THSD7B: variants seen among roughly 807,000 people sequenced by gnomAD.
THSD7B encodes the protein thrombospondin type-1 domain-containing protein 7B.
A neutral mutation model predicts 213.6 loss-of-function variants in THSD7B; 138 were observed. That is an observed-to-expected ratio of 0.65 (90% CI 0.56 to 0.74). THSD7B has a LOEUF of 0.74. THSD7B is among the 30% of genes least tolerant of loss of function. The pLI is 0.00. For synonymous variants in THSD7B, 742 were observed against 687.0 expected (o/e 1.08, Z -1.25); for missense variants, 1,931 against 1,991.5 (o/e 0.97, Z 0.58).
Position 137,540,047 on chromosome 2 carries a change from T to G in THSD7B, c.3139-23174T>G, listed in dbSNP as rs1003245198. 1.8e-4 allele frequency among the ~76,000 whole-genome samples: 28 copies of G among 151,732 alleles called. 1 individual carries two copies. The highest frequency in any genetic ancestry group is 9.9e-4 in the Admixed American group (15 of 15,192). On this transcript the variant is annotated intron_variant, in intron 15 of 27. Coordinates refer to ENST00000409968, the MANE Select transcript of THSD7B (RefSeq NM_001316349.2). ...ATCTTGATATACATATAATGTCTTATCTAAAAATGAAGTGTGAGATATAGA... is the reference window on the plus strand; with the variant it reads ...ATCTTGATATACATATAATGTCTTAGCTAAAAATGAAGTGTGAGATATAGA...
chr2:136,971,662 A>ACACACACACG (rs1685406595), intron 2 of THSD7B, among the ~76,000 whole-genome samples: 2 of 151,220 alleles, frequency 1.3e-5, no homozygotes, highest in Admixed American at 1.3e-4. Flanking sequence ...ACACACACAC[A>ACACACACACG]CACACACACG....
At chr2:137,369,158 T>C (rs1469076139) in intron 12 of THSD7B, among the ~76,000 whole-genome samples, 1 of 149,280 alleles carries the variant, frequency 6.7e-6, no homozygotes, top group East Asian at 2.0e-4. Context: ...ACCATATATA[T>C]ATATATATAT....
chr2:137,507,272 T>G (rs1679857722), intron 15 of THSD7B, among the ~76,000 whole-genome samples: 1 of 152,182 alleles, frequency 6.6e-6, no homozygotes, highest in Non-Finnish European at 1.5e-5. Context: ...TAATACAAAG[T>G]CAAAGAATTG....
chr2:137,662,232 TTTTTTTTTTC>T (rs1372622291), intron 25 of THSD7B, among the ~76,000 whole-genome samples: 6 of 118,378 alleles, frequency 5.1e-5, no homozygotes, highest in African/African-American at 6.5e-5. Flanking sequence ...CCGGCTAATT[TTTTTTTTTTC>T]TTTTTTTTTT....
chr2:137,099,554 GA>G (rs1414820983), intron 4 of THSD7B, among the ~76,000 whole-genome samples: 1 of 152,104 alleles, frequency 6.6e-6, no homozygotes, highest in African/African-American at 2.4e-5. Flanking sequence ...TTGAATATTG[GA>G]AAAACATCAG....
chr2:137,540,480 T>C (rs753435382), intron 15 of THSD7B, among the ~76,000 whole-genome samples: 1 of 151,576 alleles, frequency 6.6e-6, no homozygotes, highest in Non-Finnish European at 1.5e-5. Flanking sequence ...CCCACAATTG[T>C]GGTAAAACAA....
chr2:136,886,620 C>G (rs555860727), intron 2 of THSD7B, among the ~76,000 whole-genome samples: 26 of 152,144 alleles, frequency 1.7e-4, no homozygotes, highest in Non-Finnish European at 3.4e-4. Context: ...ACAGAGCAGT[C>G]TTCTACAATA....
At chr2:137,290,413 C>T (rs59076916) in intron 12 of THSD7B, among the ~76,000 whole-genome samples, 7,764 of 152,106 alleles carry the variant, frequency 0.051, 463 homozygotes, top group African/African-American at 0.14. Flanking sequence ...TCTGAGAGTC[C>T]GTAACTCTAC....
chr2:137,531,590 A>T (rs1367135037), intron 15 of THSD7B, among the ~76,000 whole-genome samples: 2 of 151,916 alleles, frequency 1.3e-5, no homozygotes, highest in Non-Finnish European at 2.9e-5. Flanking sequence ...TTAATTACCT[A>T]ATAATTGGGG....
intron 12 of THSD7B, among the ~76,000 whole-genome samples, chr2:137,401,453 T>G (rs1007495446): frequency 9.9e-5 from 15 of 152,166 alleles, no homozygotes; most frequent in Non-Finnish European, 2.1e-4. Flanking sequence ...AATGATTGCT[T>G]TTATACTAGA....
chr2:137,673,806 A>C (rs1338215660), intron 27 of THSD7B, among the ~76,000 whole-genome samples: 1 of 152,176 alleles, frequency 6.6e-6, no homozygotes, highest in Non-Finnish European at 1.5e-5. Context: ...AGGCTGATCT[A>C]TTCAAAGCCA....
intron 12 of THSD7B, among the ~76,000 whole-genome samples, chr2:137,332,210 G>T (rs1025832287): frequency 6.6e-6 from 1 of 152,108 alleles, no homozygotes. Flanking sequence ...GCAAAGCCAC[G>T]GGACAGAGCA....
chr2:137,060,087 T>C (rs78073820), intron 3 of THSD7B, among the ~76,000 whole-genome samples: 1 of 152,260 alleles, frequency 6.6e-6, no homozygotes, highest in African/African-American at 2.4e-5. Context: ...GGTATCTCAT[T>C]GTTTTAAATT....
chr2:136,932,851 C>T (rs894127111), intron 2 of THSD7B, among the ~76,000 whole-genome samples: 24 of 152,172 alleles, frequency 1.6e-4, no homozygotes, highest in African/African-American at 5.5e-4. Flanking sequence ...GGGGAGAAAT[C>T]AGGTGGTAAG....
Position 137,027,158 on chromosome 2 carries a change from CA to C in THSD7B, c.140-29258del, listed in dbSNP as rs1197041768. ...ATTTTGGTTACATTAATGGTGGCACCAAAATCAAGCCCACACTTCTATATTT... is the reference window on the plus strand; with the variant it reads ...ATTTTGGTTACATTAATGGTGGCACCAAATCAAGCCCACACTTCTATATTT... On this transcript the variant is annotated intron_variant, in intron 2 of 27. Transcript: ENST00000409968. 1.5e-4 allele frequency among the ~76,000 whole-genome samples: 23 copies of C among 152,084 alleles called. 1 individual carries two copies. Among genetic ancestry groups the C allele is most frequent in the Admixed American group, 1.4e-3 (21 of 15,270 alleles).
At chr2:136,875,514 A>C (rs1238887708) in intron 1 of THSD7B, among the ~76,000 whole-genome samples, 1 of 152,158 alleles carries the variant, frequency 6.6e-6, no homozygotes, top group Non-Finnish European at 1.5e-5. Flanking sequence ...AAAGTCCAAA[A>C]TTGAGATTCT....
At chr2:137,217,084 A>G (rs1341238023) in intron 7 of THSD7B, among the ~76,000 whole-genome samples, 1 of 151,940 alleles carries the variant, frequency 6.6e-6, no homozygotes, top group Non-Finnish European at 1.5e-5. Flanking sequence ...GTTTCTCAAC[A>G]CTCCCCCTGG....
intron 14 of THSD7B, among the ~76,000 whole-genome samples, chr2:137,412,621 C>A (rs13006035): frequency 0.6 from 61,420 of 101,734 alleles, 21,407 homozygotes; most frequent in East Asian, 0.82. Flanking sequence ...CAAAAAAAAA[C>A]AAAAAACAGT....
At chr2:137,215,799 A>G (rs1398848266) in intron 7 of THSD7B, among the ~76,000 whole-genome samples, 1 of 152,186 alleles carries the variant, frequency 6.6e-6, no homozygotes, top group Non-Finnish European at 1.5e-5. Context: ...CAAATTTTGA[A>G]TATTTCTTCT....
Sources: gnomAD v4.1 joint callset for allele counts (sites outside exome capture counted in the v4.1 genomes callset) on GRCh38, gnomAD v4.1.1 for gene constraint, MANE v1.5 for transcripts, NCBI Gene and HGNC (gene_info 2026-07-23, HGNC 2026-07-21) for gene names.